GRIK2: variants seen among roughly 807,000 people sequenced by gnomAD.
GRIK2 encodes the protein glutamate receptor ionotropic, kainate 2.
A neutral mutation model predicts 100.3 loss-of-function variants in GRIK2; 32 were observed. The observed-to-expected ratio is 0.32, with a 90% CI of 0.24 to 0.43. The LOEUF is 0.43. Among genes scored for constraint, GRIK2 ranks in the 20% least tolerant of loss-of-function variants. The pLI is 1.00. For synonymous variants in GRIK2, 417 were observed against 389.4 expected (o/e 1.07, Z -0.83); for missense variants, 843 against 1,114.9 (o/e 0.76, Z 3.47).
At chr6:101,417,432 C>G (rs1260669240) in intron 2 of GRIK2, among the ~76,000 whole-genome samples, 1 of 152,142 alleles carries the variant, frequency 6.6e-6, no homozygotes, top group African/African-American at 2.4e-5. Flanking sequence ...TGTTTTCAGT[C>G]CCATTTGAAT....
chr6:101,426,711 C>A (rs1050946299), intron 2 of GRIK2, among the ~76,000 whole-genome samples: 2 of 152,148 alleles, frequency 1.3e-5, no homozygotes, highest in African/African-American at 2.4e-5. Context: ...TCTAATCTAT[C>A]CTATGCACTA....
At position 102,018,984 on chromosome 6, in the gene GRIK2, G is replaced by A. The variant is rs9986426; in HGVS notation, c.2086-16357G>A. 8.6e-3 allele frequency among the ~76,000 whole-genome samples: 1,306 copies of A among 152,010 alleles called. 21 individuals are homozygous for A. The highest frequency in any genetic ancestry group is 0.03 in the African/African-American group (1,264 of 41,484). On this transcript the variant is annotated intron_variant, in intron 14 of 16. Coordinates refer to ENST00000369134, the MANE Select transcript of GRIK2 (RefSeq NM_021956.5). ...TTAAATTATTTTTTTCTGCGAAGGG[G>A]TTTGAAATAATAGTTTTGTATTGTG...
intron 2 of GRIK2, among the ~76,000 whole-genome samples, chr6:101,618,194 A>G (rs925151696): frequency 6.6e-5 from 10 of 151,726 alleles, no homozygotes; most frequent in African/African-American, 1.9e-4. Context: ...TAATTTCTAT[A>G]TAATTATCTA....
At chr6:102,015,052 C>CACTA (rs903158316) in intron 14 of GRIK2, among the ~76,000 whole-genome samples, 1 of 152,150 alleles carries the variant, frequency 6.6e-6, no homozygotes, top group African/African-American at 2.4e-5. Flanking sequence ...TGAAGTTTCC[C>CACTA]ACTATTATTT....
At chr6:101,746,747 C>G (rs934756724) in intron 7 of GRIK2, among the ~76,000 whole-genome samples, 2 of 152,082 alleles carry the variant, frequency 1.3e-5, no homozygotes, top group Non-Finnish European at 2.9e-5. Context: ...TATTGAATCC[C>G]TCAGTTTCCC....
intron 2 of GRIK2, among the ~76,000 whole-genome samples, chr6:101,522,494 C>T (rs577881955): frequency 3.3e-5 from 5 of 152,260 alleles, no homozygotes; most frequent in Admixed American, 3.3e-4. Flanking sequence ...GTTGTTCCAT[C>T]TTGTGATACT....
chr6:101,495,719 A>T (rs1773407961), intron 2 of GRIK2, among the ~76,000 whole-genome samples: 1 of 152,110 alleles, frequency 6.6e-6, no homozygotes, highest in South Asian at 2.1e-4. Context: ...TCAAGTTATA[A>T]AGTTTGTTAT....
intron 10 of GRIK2, among the ~76,000 whole-genome samples, chr6:101,857,773 G>C (rs941430951): frequency 6.6e-6 from 1 of 152,194 alleles, no homozygotes; most frequent in Non-Finnish European, 1.5e-5. Flanking sequence ...CTAATGCATG[G>C]AATCTTTTTG....
At chr6:101,857,692 T>C (rs1185040048) in intron 10 of GRIK2, among the ~76,000 whole-genome samples, 1 of 152,210 alleles carries the variant, frequency 6.6e-6, no homozygotes, top group Non-Finnish European at 1.5e-5. Flanking sequence ...GCAGAACCAA[T>C]TGTTGCACCT....
chr6:101,943,557 C>T (rs1327201978), intron 14 of GRIK2, among the ~76,000 whole-genome samples: 1 of 152,180 alleles, frequency 6.6e-6, no homozygotes, highest in Non-Finnish European at 1.5e-5. Flanking sequence ...CAAAGCTGCC[C>T]AGGCCTTGGG....
At chr6:101,447,191 T>G (rs569508802) in intron 2 of GRIK2, among the ~76,000 whole-genome samples, 1 of 151,476 alleles carries the variant, frequency 6.6e-6, no homozygotes, top group Non-Finnish European at 1.5e-5. Context: ...CCAAGAATCT[T>G]AGAAGCAGAA....
At chr6:101,828,718 A>G (rs990497806) in intron 10 of GRIK2, among the ~76,000 whole-genome samples, 1 of 152,032 alleles carries the variant, frequency 6.6e-6, no homozygotes, top group African/African-American at 2.4e-5. Flanking sequence ...AGATTGAACC[A>G]GGACAAAACA....
At chr6:101,841,728 A>G (rs1471830078) in intron 10 of GRIK2, among the ~76,000 whole-genome samples, 1 of 152,188 alleles carries the variant, frequency 6.6e-6, no homozygotes, top group Non-Finnish European at 1.5e-5. Context: ...ACTGTGGAAA[A>G]CAATAAGTTA....
intron 4 of GRIK2, among the ~76,000 whole-genome samples, chr6:101,655,709 A>C (rs1267967182): frequency 6.6e-6 from 1 of 152,202 alleles, no homozygotes; most frequent in African/African-American, 2.4e-5. Flanking sequence ...TACTTAGGGT[A>C]CCAACCAGTG....
chr6:101,448,062 T>G (rs914624817), intron 2 of GRIK2, among the ~76,000 whole-genome samples: 4 of 151,702 alleles, frequency 2.6e-5, no homozygotes, highest in Non-Finnish European at 5.9e-5. Flanking sequence ...AAGCATTGGC[T>G]TGTTGAATTT....
intron 2 of GRIK2, among the ~76,000 whole-genome samples, chr6:101,577,909 G>A (rs1002401713): frequency 3.3e-5 from 5 of 152,070 alleles, no homozygotes; most frequent in Non-Finnish European, 4.4e-5. Flanking sequence ...GGGAATGGAT[G>A]GGAACAACGT....
chr6:101,725,272 A>G (rs998082466), intron 7 of GRIK2, among the ~76,000 whole-genome samples: 3 of 152,022 alleles, frequency 2.0e-5, no homozygotes, highest in African/African-American at 7.2e-5. Flanking sequence ...TTGGGAAAAC[A>G]TTTTAGTAAT....
At chr6:101,948,479 T>TTA in intron 14 of GRIK2, among the ~76,000 whole-genome samples, 2 of 147,372 alleles carry the variant, frequency 1.4e-5, no homozygotes, top group Middle Eastern at 7.2e-3. Flanking sequence ...ATAGTTATAG[T>TTA]TATATATAGT....
At chr6:101,398,695 A>G in intron 1 of GRIK2, 1 of 252,046 alleles carries the variant, frequency 4.0e-6, no homozygotes. Flanking sequence ...TCTCCCCATA[A>G]ATAAATCCTA....
Sources: gnomAD v4.1 joint callset for allele counts (sites outside exome capture counted in the v4.1 genomes callset) on GRCh38, gnomAD v4.1.1 for gene constraint, MANE v1.5 for transcripts, NCBI Gene and HGNC (gene_info 2026-07-23, HGNC 2026-07-21) for gene names.